The following MACROD2 variants were observed in gnomAD, a reference collection of about 807,000 sequenced individuals.
MACROD2 encodes the protein ADP-ribose glycohydrolase MACROD2.
A neutral mutation model predicts 70.4 loss-of-function variants in MACROD2; 36 were observed. The observed-to-expected ratio is 0.51, with a 90% CI of 0.39 to 0.68. The LOEUF is 0.68. Ranked by LOEUF, MACROD2 falls within the 30% of genes least tolerant of loss-of-function variation. MACROD2 has a pLI of 0.00. For missense variants in MACROD2, 496 were observed against 538.4 expected, an observed-to-expected ratio of 0.92 and a Z score of 0.78; for synonymous variants, 172 against 178.8, an observed-to-expected ratio of 0.96 and a Z score of 0.30.
chr20:15,124,551 A>G (rs990396146), intron 5 of MACROD2, among the ~76,000 whole-genome samples: 1 of 152,030 alleles, frequency 6.6e-6, no homozygotes, highest in Non-Finnish European at 1.5e-5. Context: ...AAAATAGGAA[A>G]ACACTCAATA....
chr20:14,126,169 A>C (rs2054647338), intron 3 of MACROD2, among the ~76,000 whole-genome samples: 1 of 152,228 alleles, frequency 6.6e-6, no homozygotes, highest in Admixed American at 6.5e-5. Flanking sequence ...GTGGCAGTCC[A>C]AGATCAGACC....
chr20:14,094,112 A>G (rs2054190609), intron 3 of MACROD2, among the ~76,000 whole-genome samples: 1 of 152,104 alleles, frequency 6.6e-6, no homozygotes, highest in Non-Finnish European at 1.5e-5. Flanking sequence ...ATTAAGTTTA[A>G]GGGGGAGACT....
rs1479372903 is a variant in MACROD2, at chr20:14,752,370, G to A, written c.418+67411G>A. On this transcript the variant is annotated intron_variant, in intron 5 of 17. Coordinates refer to ENST00000684519, the MANE Select transcript of MACROD2 (RefSeq NM_001351661.2). The stretch of plus-strand genomic sequence containing the variant: ...CAGTGAATCCTACTACATCCATTGA[G>A]TTATAGAAGCCAAAAAAAAATAAGA... Among the ~76,000 whole-genome samples, 5 of 150,086 alleles carry A rather than the reference G, an allele frequency of 3.3e-5. No homozygotes were observed. In the East Asian group the frequency reaches 9.7e-4, roughly 29 times the overall value.
chr20:14,608,771 T>C (rs1261309966), intron 4 of MACROD2, among the ~76,000 whole-genome samples: 2 of 151,946 alleles, frequency 1.3e-5, no homozygotes, highest in East Asian at 1.9e-4. Flanking sequence ...GTAGGAAAAA[T>C]TGAATGGGTA....
intron 6 of MACROD2, among the ~76,000 whole-genome samples, chr20:15,396,148 T>C (rs2045857434): frequency 6.6e-6 from 1 of 152,232 alleles, no homozygotes; most frequent in African/African-American, 2.4e-5. Flanking sequence ...GAAATCTTTC[T>C]GAGCAGGGAA....
intron 5 of MACROD2, among the ~76,000 whole-genome samples, chr20:15,136,681 G>A (rs900512801): frequency 5.9e-4 from 90 of 151,854 alleles, no homozygotes; most frequent in African/African-American, 2.0e-3. Flanking sequence ...AACACCAAAA[G>A]CAATGGCAAC....
intron 7 of MACROD2, among the ~76,000 whole-genome samples, chr20:15,460,364 G>A (rs2046790995): frequency 6.6e-6 from 1 of 152,136 alleles, no homozygotes; most frequent in Non-Finnish European, 1.5e-5. Flanking sequence ...AACCCCTGTA[G>A]CACCTGAGAA....
In MACROD2 at chr20:15,759,378, T is replaced by C. The variant is rs78687162; in HGVS notation, c.646-103367T>C. On this transcript the variant is annotated intron_variant, in intron 8 of 17. Transcript: ENST00000684519. ...TAATTACTATTTAATTACAGAAATGTGTACTCCAATGCACAAATGCCTGAT... is the reference window on the plus strand; with the variant it reads ...TAATTACTATTTAATTACAGAAATGCGTACTCCAATGCACAAATGCCTGAT... Among the ~76,000 whole-genome samples, 443 of 152,278 alleles carry C rather than the reference T, an allele frequency of 2.9e-3. 8 individuals carry two copies. The East Asian group carries it at 0.033, about 11-fold the overall frequency.
intron 3 of MACROD2, among the ~76,000 whole-genome samples, chr20:14,349,520 T>A (rs1291562983): frequency 5.4e-5 from 8 of 148,362 alleles, no homozygotes; most frequent in South Asian, 2.1e-4. Context: ...CCATATATAT[T>A]GTATCTATAT....
chr20:15,427,957 G>C (rs766106133), intron 6 of MACROD2, among the ~76,000 whole-genome samples: 7 of 152,074 alleles, frequency 4.6e-5, no homozygotes, highest in Non-Finnish European at 1.0e-4. Flanking sequence ...AGCATCCAGG[G>C]GTGCTGCTAA....
chr20:14,794,642 G>A (rs181205343), intron 5 of MACROD2, among the ~76,000 whole-genome samples: 1 of 152,178 alleles, frequency 6.6e-6, no homozygotes, highest in East Asian at 1.9e-4. Context: ...TTTGCATGTT[G>A]TTGAATAAAG....
intron 5 of MACROD2, among the ~76,000 whole-genome samples, chr20:14,821,018 T>C (rs1159613934): frequency 1.3e-5 from 2 of 152,068 alleles, no homozygotes; most frequent in East Asian, 3.9e-4. Context: ...CATAGGGTCT[T>C]ACATGCCAGT....
At chr20:14,044,599 C>G (rs2053442080) in intron 2 of MACROD2, among the ~76,000 whole-genome samples, 1 of 152,068 alleles carries the variant, frequency 6.6e-6, no homozygotes, top group African/African-American at 2.4e-5. Context: ...GAGCTAGACC[C>G]AAAAGTTCTC....
chr20:15,021,278 G>GCACACCTGTGTGTATACA lies in MACROD2; in HGVS notation c.419-208649_419-208648insATACACACACCTGTGTGT, dbSNP rs1568535123. Among the ~76,000 whole-genome samples, 27 of 85,946 alleles carry GCACACCTGTGTGTATACA rather than the reference G, an allele frequency of 3.1e-4. 3 individuals are homozygous for GCACACCTGTGTGTATACA. Among genetic ancestry groups the GCACACCTGTGTGTATACA allele is most frequent in the East Asian group, 8.8e-4 (3 of 3,410 alleles). 56.4% of individuals were successfully genotyped at this position (85,946 alleles called of 152,430 possible). ...TACACACACCTGTGTGTGTGTATACGCACACCTGTGTGTGTGTATATGCAC... is the reference window on the plus strand; with the variant it reads ...TACACACACCTGTGTGTGTGTATACGCACACCTGTGTGTATACACACACCTGTGTGTGTGTATATGCAC... On this transcript the variant is annotated intron_variant, in intron 5 of 17. Coordinates refer to ENST00000684519, the MANE Select transcript of MACROD2 (RefSeq NM_001351661.2).
chr20:15,783,128 T>C (rs1174481081), intron 8 of MACROD2, among the ~76,000 whole-genome samples: 1 of 152,180 alleles, frequency 6.6e-6, no homozygotes, highest in Non-Finnish European at 1.5e-5. Context: ...TGTTTATTTT[T>C]CTTGACTGAC....
At chr20:15,446,098 T>C (rs1442287567) in intron 7 of MACROD2, among the ~76,000 whole-genome samples, 4 of 152,194 alleles carry the variant, frequency 2.6e-5, no homozygotes, top group Admixed American at 6.5e-5. Flanking sequence ...AATGTCATGA[T>C]GGCAATACTT....
chr20:14,050,507 C>T (rs1299953610), intron 2 of MACROD2, among the ~76,000 whole-genome samples: 3 of 152,020 alleles, frequency 2.0e-5, no homozygotes, highest in Non-Finnish European at 2.9e-5. Context: ...GACGGACAGA[C>T]GTGTAGATCT....
At chr20:14,269,782 A>G (rs912335474) in intron 3 of MACROD2, among the ~76,000 whole-genome samples, 6 of 149,840 alleles carry the variant, frequency 4.0e-5, no homozygotes, top group Admixed American at 1.3e-4. Flanking sequence ...GATTTTCTTC[A>G]GCGTCTTTGA....
intron 5 of MACROD2, among the ~76,000 whole-genome samples, chr20:14,702,736 T>TA (rs1255561730): frequency 2.1e-5 from 3 of 145,822 alleles, no homozygotes; most frequent in Non-Finnish European, 3.0e-5. Context: ...TATATATATA[T>TA]TTTTTTTTGA....
Sources: gnomAD v4.1 joint callset for allele counts (sites outside exome capture counted in the v4.1 genomes callset) on GRCh38, gnomAD v4.1.1 for gene constraint, MANE v1.5 for transcripts, NCBI Gene and HGNC (gene_info 2026-07-23, HGNC 2026-07-21) for gene names.